The following PRKCH variants were observed in gnomAD, a reference collection of about 807,000 sequenced individuals.
The protein encoded by PRKCH is protein kinase C eta.
Under a neutral mutation model 82.5 loss-of-function variants are expected in PRKCH, and 28 were observed. That is an observed-to-expected ratio of 0.34 (90% CI 0.25 to 0.47). The LOEUF (loss-of-function observed/expected upper bound fraction) is 0.47. Ranked by LOEUF, PRKCH falls within the 20% of genes least tolerant of loss-of-function variation. PRKCH has a pLI of 1.00. For synonymous variants in PRKCH, 322 were observed against 327.4 expected, an observed-to-expected ratio of 0.98 and a Z score of 0.18; for missense variants, 705 against 881.8, an observed-to-expected ratio of 0.80 and a Z score of 2.54.
intron 1 of PRKCH, among the ~76,000 whole-genome samples, chr14:61,188,270 G>A (rs936905057): frequency 2.6e-5 from 4 of 152,228 alleles, no homozygotes; most frequent in Non-Finnish European, 5.9e-5. Flanking sequence ...GGGCAGAGGG[G>A]AGGGGAGGCG....
Position 61,512,883 on chromosome 14 carries a change from G to A in PRKCH, c.1434-16192G>A, listed in dbSNP as rs78803590. Among the ~76,000 whole-genome samples, 488 of 152,126 alleles carry A rather than the reference G, an allele frequency of 3.2e-3. 15 individuals are homozygous for A. The East Asian group carries it at 0.043, about 13-fold the overall frequency. Reference sequence around the variant, plus strand: ...GTTCTGTCCCCCAGGCTGGAGTGCAGTGGCATGATCATATCCTCAAACTCC... The same window carrying A: ...GTTCTGTCCCCCAGGCTGGAGTGCAATGGCATGATCATATCCTCAAACTCC... On this transcript the variant is annotated intron_variant, in intron 10 of 13. Transcript: ENST00000332981.
intron 4 of PRKCH, among the ~76,000 whole-genome samples, chr14:61,446,533 A>C (rs2140280840): frequency 6.6e-6 from 1 of 152,380 alleles, no homozygotes; most frequent in African/African-American, 2.4e-5. Context: ...CTCTTCTGGA[A>C]GATGTGAGGT....
At chr14:61,530,337 C>A in intron 11 of PRKCH, 70 bp from the exon 12 acceptor site, 2 of 1,387,076 alleles carry the variant, frequency 1.4e-6, no homozygotes, top group Non-Finnish European at 1.9e-6. Flanking sequence ...CATCAATTTC[C>A]CTAGTTATGA....
Position 61,530,302 on chromosome 14 carries a change from A to T in PRKCH, c.1573-105A>T, listed in dbSNP as rs572444194. The T allele has an allele frequency of 2.5e-4, 323 of 1,290,034 alleles. 2 individuals carry two copies. The African/African-American group carries it at 4.0e-3, about 16-fold the overall frequency. 79.9% of individuals were successfully genotyped at this position (1,290,034 alleles called of 1,614,324 possible). On this transcript the variant is annotated intron_variant, in intron 11 of 13. Transcript: ENST00000332981. ...GCTTGCTAGCACAGGAGACTTTTTTAAAAAAACTTTGATATTTCCTAATGC... is the reference window on the plus strand; with the variant it reads ...GCTTGCTAGCACAGGAGACTTTTTTTAAAAAACTTTGATATTTCCTAATGC...
chr14:61,318,208 G>A (rs1209854003), upstream of PRKCH, among the ~76,000 whole-genome samples: 1 of 151,960 alleles, frequency 6.6e-6, no homozygotes, highest in Non-Finnish European at 1.5e-5. Flanking sequence ...GAGTAGCTGA[G>A]ACTACAGGAA....
intron 1 of PRKCH, among the ~76,000 whole-genome samples, chr14:61,254,203 C>A (rs539897124): frequency 4.6e-5 from 7 of 152,088 alleles, no homozygotes; most frequent in Non-Finnish European, 1.0e-4. Context: ...TTGCTAACAT[C>A]CCAGAATGGC....
intron 9 of PRKCH, among the ~76,000 whole-genome samples, chr14:61,461,018 G>A (rs552767146): frequency 4.6e-5 from 7 of 152,108 alleles, no homozygotes; most frequent in South Asian, 4.1e-4. Context: ...CCACCCCAGC[G>A]TTATCAAGAG....
intron 1 of PRKCH, among the ~76,000 whole-genome samples, chr14:61,324,327 T>C (rs2045667905): frequency 6.6e-6 from 1 of 152,244 alleles, no homozygotes; most frequent in Admixed American, 6.5e-5. Context: ...TACACTTAGA[T>C]GTTTAATATA....
chr14:61,423,545 G>A (rs1037796513), intron 2 of PRKCH, among the ~76,000 whole-genome samples: 1 of 152,206 alleles, frequency 6.6e-6, no homozygotes, highest in Non-Finnish European at 1.5e-5. Context: ...ACTTTTATGA[G>A]GTTTGGCTTT....
rs916988213 is a variant in PRKCH, at chr14:61,280,811, C to T, written c.-19+93143C>T. 2.6e-6 allele frequency: 4 copies of T among 1,563,210 alleles called. No homozygotes were observed. Among genetic ancestry groups the T allele is most frequent in the Non-Finnish European group, 3.4e-6 (4 of 1,163,700 alleles). ...TTGTTCTGGTAGAAGTTGGTCAGCT[C>T]GTAGTAGAGGTACACTGGGCCCTGG... On this transcript the variant is annotated intron_variant, in intron 1 of 3. Transcript: ENST00000555185. The surrounding 1 kb of genome is among the most constrained non-coding windows in gnomAD (Gnocchi z 5.0).
At chr14:61,393,550 A>G (rs2046720935) in intron 2 of PRKCH, among the ~76,000 whole-genome samples, 5 of 152,218 alleles carry the variant, frequency 3.3e-5, no homozygotes, top group Admixed American at 2.0e-4. Context: ...ATGGGTGGGA[A>G]ACAGCTGAAA....
intron 2 of PRKCH, among the ~76,000 whole-genome samples, chr14:61,425,068 C>A (rs1471834726): frequency 6.6e-6 from 1 of 152,218 alleles, no homozygotes; most frequent in Admixed American, 6.5e-5. Flanking sequence ...TATGGAAATA[C>A]CTGGATGTCC....
intron 9 of PRKCH, among the ~76,000 whole-genome samples, chr14:61,470,029 C>T (rs1378765911): frequency 1.3e-5 from 2 of 151,856 alleles, no homozygotes; most frequent in East Asian, 3.9e-4. Context: ...CCCTCCATGG[C>T]AGCTGCTCCC....
chr14:61,390,517 C>G (rs1594653081), intron 1 of PRKCH, among the ~76,000 whole-genome samples: 1 of 151,958 alleles, frequency 6.6e-6, no homozygotes, highest in African/African-American at 2.4e-5. Flanking sequence ...CTAAAAAATA[C>G]AAAAACAGAT....
intron 9 of PRKCH, among the ~76,000 whole-genome samples, chr14:61,464,488 A>G (rs1280012543): frequency 6.6e-6 from 1 of 152,048 alleles, no homozygotes; most frequent in Non-Finnish European, 1.5e-5. Flanking sequence ...TGCACCTATC[A>G]ACTGGTCATC....
intron 1 of PRKCH, among the ~76,000 whole-genome samples, chr14:61,383,234 T>C (rs1208547710): frequency 6.6e-6 from 1 of 152,214 alleles, no homozygotes; most frequent in African/African-American, 2.4e-5. Context: ...CTTGTAGGAC[T>C]ATTCTATAGT....
chr14:61,341,724 T>C (rs1372869966), intron 1 of PRKCH, among the ~76,000 whole-genome samples: 1 of 152,312 alleles, frequency 6.6e-6, no homozygotes, highest in Admixed American at 6.5e-5. Flanking sequence ...AGTAACCAGG[T>C]CGAAGGTAGT....
intron 1 of PRKCH, among the ~76,000 whole-genome samples, chr14:61,299,139 A>G (rs2045429198): frequency 6.6e-6 from 1 of 152,212 alleles, no homozygotes; most frequent in Non-Finnish European, 1.5e-5. Context: ...TTACACCATG[A>G]GAACACAGTG....
intron 1 of PRKCH, among the ~76,000 whole-genome samples, chr14:61,286,189 A>T (rs2045312293): frequency 6.6e-6 from 1 of 152,200 alleles, no homozygotes; most frequent in African/African-American, 2.4e-5. Flanking sequence ...GTTGCCTATT[A>T]CTCTGCCCAT....
Sources: allele counts gnomAD v4.1 joint callset (sites outside exome capture counted in the v4.1 genomes callset), GRCh38; gene constraint gnomAD v4.1.1; non-coding constraint Gnocchi (gnomAD v3.1); transcripts MANE v1.5; gene names NCBI Gene and HGNC (gene_info 2026-07-23, HGNC 2026-07-21).